Variants in MACO1 observed in about 807,000 individuals in gnomAD.
MACO1 encodes the protein macoilin.
MACO1 carries 14 observed loss-of-function variants against 78.7 expected under a neutral mutation model. The ratio of observed to expected loss-of-function variants is 0.18; its 90% CI spans 0.12 to 0.28. MACO1 has a LOEUF of 0.28. Ranked by LOEUF, MACO1 falls within the 10% of genes least tolerant of loss-of-function variation. MACO1 has a pLI of 1.00. For synonymous variants in MACO1, 288 were observed against 291.6 expected, an observed-to-expected ratio of 0.99 and a Z score of 0.12; for missense variants, 501 against 799.0, an observed-to-expected ratio of 0.63 and a Z score of 4.50.
intron 4 of MACO1, 58 bp from the exon 5 acceptor site, chr1:25,456,595 G>C: frequency 2.6e-6 from 4 of 1,536,980 alleles, no homozygotes; most frequent in Non-Finnish European, 3.5e-6. Flanking sequence ...TCATGTGCTT[G>C]AGGCACATGT....
At chr1:25,461,066 A>T (rs576961215) in intron 6 of MACO1, among the ~76,000 whole-genome samples, 1 of 152,008 alleles carries the variant, frequency 6.6e-6, no homozygotes, top group Non-Finnish European at 1.5e-5. Flanking sequence ...TTGTAGGGAC[A>T]TGGATGAAAC....
Position 25,490,240 on chromosome 1 carries a change from A to G in MACO1, c.1617+947A>G, listed in dbSNP as rs960971771. Among the ~76,000 whole-genome samples the G allele has an allele frequency of 8.5e-5, 13 of 152,226 alleles. No homozygotes were observed. In the East Asian group the frequency reaches 2.5e-3, roughly 29 times the overall value. The stretch of plus-strand genomic sequence containing the variant: ...CAAATATTATAAATAAGGAATTAAT[A>G]TTCTCAACATATCCGTAGCTCATAA... On this transcript the variant is annotated intron_variant, in intron 9 of 10. Coordinates refer to ENST00000374343, the MANE Select transcript of MACO1 (RefSeq NM_018202.6).
intron 6 of MACO1, among the ~76,000 whole-genome samples, chr1:25,464,004 T>C (rs905079556): frequency 6.7e-6 from 1 of 149,000 alleles, no homozygotes; most frequent in Non-Finnish European, 1.5e-5. Context: ...CATTGACACA[T>C]CATTATCAGT....
chr1:25,493,833 C>T (rs529344551), intron 10 of MACO1, among the ~76,000 whole-genome samples: 2 of 150,608 alleles, frequency 1.3e-5, no homozygotes, highest in South Asian at 4.2e-4. Flanking sequence ...CCCGGGTTCA[C>T]GCCATTCTCC....
chr1:25,470,784 T>G (rs1428283499), intron 6 of MACO1, among the ~76,000 whole-genome samples: 1 of 152,120 alleles, frequency 6.6e-6, no homozygotes, highest in Non-Finnish European at 1.5e-5. Flanking sequence ...ATCCCACACT[T>G]TGGGAGGCTG....
At position 25,485,591 on chromosome 1, in the gene MACO1, T is replaced by C. The variant is rs1171587843; in HGVS notation, c.1314-22T>C. On this transcript the variant is annotated intron_variant, in intron 7 of 10. Coordinates refer to ENST00000374343, the MANE Select transcript of MACO1 (RefSeq NM_018202.6). The surrounding 1 kb of genome is among the most constrained non-coding windows in gnomAD (Gnocchi z 4.3). ...GGGCATTTGTAATTTTAAGACTTTA[T>C]ATGACAATCATTTCCATATAGGTTA... 7 of 1,602,326 alleles carry C rather than the reference T, an allele frequency of 4.4e-6. No individual in the cohort carries two copies. The Admixed American group carries it at 5.2e-5, about 12-fold the overall frequency.
chr1:25,471,148 T>G (rs998147666), intron 6 of MACO1, among the ~76,000 whole-genome samples: 3 of 151,542 alleles, frequency 2.0e-5, no homozygotes, highest in African/African-American at 2.4e-5. Context: ...AGACCAGCCT[T>G]GCCAACATGG....
chr1:25,451,167 A>C (rs943221746), intron 3 of MACO1, among the ~76,000 whole-genome samples: 10 of 152,336 alleles, frequency 6.6e-5, no homozygotes, highest in African/African-American at 2.4e-4. Context: ...TAAACAAACG[A>C]AACAAAAAAC....
chr1:25,433,879 T>A (rs763698822), intron 1 of MACO1, among the ~76,000 whole-genome samples: 2 of 152,270 alleles, frequency 1.3e-5, no homozygotes, highest in Non-Finnish European at 2.9e-5. Context: ...TAACGTGTGG[T>A]TAATTTTTTA....
Position 25,499,444 on chromosome 1 carries a change from T to G in MACO1, c.*978T>G, listed in dbSNP as rs570981693. ...TAATAAAAGCTGCGGGTCTAGGTTT[T>G]TTTTTTTTTGTTTTGTTTTTTCATT... On this transcript the variant is annotated 3_prime_UTR_variant, in exon 11 of 11. Coordinates refer to ENST00000374343, the MANE Select transcript of MACO1 (RefSeq NM_018202.6). 2.0e-5 allele frequency: 3 copies of G among 152,102 alleles called. No homozygotes were observed. The highest frequency in any genetic ancestry group is 7.2e-5 in the African/African-American group (3 of 41,482). The allele number at this position is 152,102 out of a possible 1,614,324, so 9.4% of individuals were successfully genotyped here.
intron 1 of MACO1, among the ~76,000 whole-genome samples, chr1:25,431,762 C>T (rs368916684): frequency 1.3e-5 from 2 of 152,200 alleles, no homozygotes; most frequent in East Asian, 3.9e-4. Context: ...ACTTGGCACC[C>T]AGGGCTGAAG....
chr1:25,473,979 C>T (rs982367418), intron 6 of MACO1, among the ~76,000 whole-genome samples: 3 of 152,178 alleles, frequency 2.0e-5, no homozygotes, highest in African/African-American at 7.2e-5. Flanking sequence ...CCATTACTCC[C>T]CCCACACTCT....
chr1:25,468,824 A>C (rs990276710), intron 6 of MACO1, among the ~76,000 whole-genome samples: 25 of 152,120 alleles, frequency 1.6e-4, no homozygotes, highest in African/African-American at 5.8e-4. Context: ...ATTTGTTTAC[A>C]CTGAGGAGTG....
At chr1:25,436,927 C>T (rs1433506671) in intron 1 of MACO1, among the ~76,000 whole-genome samples, 1 of 152,144 alleles carries the variant, frequency 6.6e-6, no homozygotes, top group East Asian at 1.9e-4. Flanking sequence ...ATGTATCCCT[C>T]ACCCCATCTC....
chr1:25,443,608 C>A (rs1437231348), intron 1 of MACO1, among the ~76,000 whole-genome samples: 1 of 152,230 alleles, frequency 6.6e-6, no homozygotes, highest in African/African-American at 2.4e-5. Context: ...TAGTCACTAA[C>A]AAAGATGGTA....
At chr1:25,447,035 C>T in intron 2 of MACO1, 132 bp downstream of exon 2, 2 of 1,108,090 alleles carry the variant, frequency 1.8e-6, no homozygotes, top group Non-Finnish European at 2.5e-6. Context: ...GACCTCTAAA[C>T]TATTTTGTCT....
In MACO1 at chr1:25,480,932, ATATATATATATAT is replaced by A. The variant is rs2043370077; in HGVS notation, c.1155-3183_1155-3171del. Among the ~76,000 whole-genome samples, 165 of 72,910 alleles carry A rather than the reference ATATATATATATAT, an allele frequency of 2.3e-3. 6 individuals are homozygous for A. Among genetic ancestry groups the A allele is most frequent in the African/African-American group, 5.4e-3 (69 of 12,734 alleles). 47.8% of individuals were successfully genotyped at this position (72,910 alleles called of 152,430 possible). On this transcript the variant is annotated intron_variant, in intron 6 of 10. Coordinates refer to ENST00000374343, the MANE Select transcript of MACO1 (RefSeq NM_018202.6). ...CTTGGTTAAAAAAAAAAAAAAAAATATATATATATATATATATATATATATATATATATATATA... is the reference window on the plus strand; with the variant it reads ...CTTGGTTAAAAAAAAAAAAAAAAATAATATATATATATATATATATATATA...
intron 3 of MACO1, among the ~76,000 whole-genome samples, chr1:25,451,033 C>T (rs765750294): frequency 2.0e-4 from 29 of 146,808 alleles, no homozygotes; most frequent in Non-Finnish European, 1.3e-4. Flanking sequence ...AGTGGTTGAC[C>T]CACAGGGCAG....
chr1:25,489,387 A>G, intron 9 of MACO1, 94 bp downstream of exon 9: 1 of 1,385,744 alleles, frequency 7.2e-7, no homozygotes, highest in Non-Finnish European at 9.7e-7. Flanking sequence ...ATGCCTTTTA[A>G]TATAGATCAA....
Sources: gnomAD v4.1 joint callset for allele counts (sites outside exome capture counted in the v4.1 genomes callset) on GRCh38, gnomAD v4.1.1 for gene constraint, Gnocchi (gnomAD v3.1) non-coding constraint, MANE v1.5 for transcripts, NCBI Gene and HGNC (gene_info 2026-07-23, HGNC 2026-07-21) for gene names.